Variants in TTC7B observed in about 807,000 individuals in gnomAD.
TTC7B encodes the protein tetratricopeptide repeat protein 7B.
TTC7B carries 28 observed loss-of-function variants against 106.8 expected under a neutral mutation model. The observed-to-expected ratio is 0.26, with a 90% CI of 0.19 to 0.36. The LOEUF (loss-of-function observed/expected upper bound fraction) is 0.36, where lower values mean the gene tolerates loss of function less well. TTC7B is among the 10% of genes least tolerant of loss of function. The pLI, the probability that TTC7B is intolerant of heterozygous loss-of-function variation, is 1.00. For missense variants in TTC7B, 862 were observed against 1,076.4 expected (o/e 0.80, Z 2.79); for synonymous variants, 405 against 430.6 (o/e 0.94, Z 0.74).
At chr14:90,739,876 T>A (rs1434428113) in intron 4 of TTC7B, among the ~76,000 whole-genome samples, 2 of 152,212 alleles carry the variant, frequency 1.3e-5, no homozygotes, top group Non-Finnish European at 2.9e-5. Context: ...GAAGTCATCT[T>A]TATTCCCATC....
rs575576735 is a variant in TTC7B, at chr14:90,702,268, T to C, written c.699-6690A>G. Among the ~76,000 whole-genome samples, 113 of 152,316 alleles carry C rather than the reference T, an allele frequency of 7.4e-4. 1 individual carries two copies. The highest frequency in any genetic ancestry group is 2.7e-3 in the African/African-American group (112 of 41,568). ...CACCTCACTGCTGTAAGAATTAAACTAGTCAGTAACAACTGTATTGCCCTC... is the reference window on the plus strand; with the variant it reads ...CACCTCACTGCTGTAAGAATTAAACCAGTCAGTAACAACTGTATTGCCCTC... On this transcript the variant is annotated intron_variant, in intron 5 of 19. Coordinates refer to ENST00000328459, the MANE Select transcript of TTC7B (RefSeq NM_001010854.2).
intron 5 of TTC7B, among the ~76,000 whole-genome samples, chr14:90,712,778 A>G (rs1336269229): frequency 3.3e-5 from 5 of 152,028 alleles, no homozygotes; most frequent in African/African-American, 7.2e-5. Context: ...CTGATTCTAA[A>G]TTTTATGGGG....
intron 11 of TTC7B, 135 bp from the exon 12 acceptor site, chr14:90,655,245 C>A (rs543709966): frequency 3.0e-5 from 20 of 672,180 alleles, no homozygotes; most frequent in African/African-American, 2.7e-4. Context: ...CAATCCCACT[C>A]TGGTGATTCT....
chr14:90,708,154 A>AAG (rs1888289706), intron 5 of TTC7B, among the ~76,000 whole-genome samples: 1 of 151,354 alleles, frequency 6.6e-6, no homozygotes, highest in African/African-American at 2.4e-5. Context: ...TCAAAAAAAA[A>AAG]AAAAAAAAAA....
At chr14:90,592,868 G>A (rs1892023371) in intron 18 of TTC7B, among the ~76,000 whole-genome samples, 1 of 152,168 alleles carries the variant, frequency 6.6e-6, no homozygotes, top group Non-Finnish European at 1.5e-5. Flanking sequence ...GTCTCTCTAT[G>A]AAATTACAGA....
At chr14:90,806,699 G>C (rs2030629317) in intron 1 of TTC7B, among the ~76,000 whole-genome samples, 1 of 152,182 alleles carries the variant, frequency 6.6e-6, no homozygotes, top group African/African-American at 2.4e-5. Flanking sequence ...TTGAGCCCAG[G>C]AGTTCGAGAC....
chr14:90,706,229 C>A (rs1324323449), intron 5 of TTC7B, among the ~76,000 whole-genome samples: 1 of 147,750 alleles, frequency 6.8e-6, no homozygotes, highest in African/African-American at 2.5e-5. Context: ...GTGGCGCAAT[C>A]TCGGCTCACT....
At position 90,537,708 on chromosome 14, in the gene TTC7B, T is replaced by C. The variant is rs1007209158; in HGVS notation, c.*3660A>G. 6.6e-6 allele frequency: 1 copy of C among 152,216 alleles called. No homozygotes were observed. Among genetic ancestry groups the C allele is most frequent in the Admixed American group, 6.6e-5 (1 of 15,260 alleles). The allele number at this position is 152,216 out of a possible 1,614,324, so 9.4% of individuals were successfully genotyped here. A position where few individuals can be genotyped will look rare whatever the true frequency, so the allele number is the denominator to read the frequency against. On this transcript the variant is annotated 3_prime_UTR_variant, in exon 20 of 20. Transcript: ENST00000328459. ...GTCTTTCTTCAGCCAGATGTCACCTTCTTAGCGAGGCTTCCCTAGTCACCT... is the reference window on the plus strand; with the variant it reads ...GTCTTTCTTCAGCCAGATGTCACCTCCTTAGCGAGGCTTCCCTAGTCACCT...
chr14:90,618,086 G>A (rs1327499296), intron 15 of TTC7B, 41 bp from the exon 16 acceptor site: 5 of 1,457,628 alleles, frequency 3.4e-6, no homozygotes, highest in Admixed American at 3.4e-5. Flanking sequence ...CACGGCTCAA[G>A]CCACAGAGTC....
intron 7 of TTC7B, among the ~76,000 whole-genome samples, chr14:90,684,360 A>AAC (rs1380002035): frequency 2.0e-5 from 3 of 152,132 alleles, no homozygotes; most frequent in South Asian, 2.1e-4. Context: ...GACTGACTGA[A>AAC]ACACACACAC....
Position 90,637,100 on chromosome 14 carries a change from G to T in TTC7B, c.1751+6948C>A, listed in dbSNP as rs548806422. ...AAGTGAGTTGACAAAAAAGTTACTG[G>T]TTGTTTGAAAGGATCCATGTAACAG... On this transcript the variant is annotated intron_variant, in intron 15 of 19. Coordinates refer to ENST00000328459, the MANE Select transcript of TTC7B (RefSeq NM_001010854.2). Among the ~76,000 whole-genome samples the T allele has an allele frequency of 6.5e-4, 99 of 151,958 alleles. 1 individual carries two copies. The highest frequency in any genetic ancestry group is 2.3e-3 in the African/African-American group (95 of 41,508).
chr14:90,789,324 C>T (rs965801176), intron 1 of TTC7B, among the ~76,000 whole-genome samples: 3 of 152,236 alleles, frequency 2.0e-5, no homozygotes, highest in African/African-American at 7.2e-5. Flanking sequence ...TCTTGAACTC[C>T]TGACCTCAGG....
intron 15 of TTC7B, among the ~76,000 whole-genome samples, chr14:90,626,752 G>A (rs1884461276): frequency 6.6e-6 from 1 of 152,118 alleles, no homozygotes; most frequent in African/African-American, 2.4e-5. Flanking sequence ...CATCAAACCT[G>A]AGTACCTGGT....
In TTC7B at chr14:90,816,378, C is replaced by A; in HGVS notation, c.-83G>T. Reference sequence around the variant, plus strand: ...GCCCCCTCGCCGCCTCCCGCCGCCGCCGCGGGCTCGGGCTCCGGCTCCCGG... The same window carrying A: ...GCCCCCTCGCCGCCTCCCGCCGCCGACGCGGGCTCGGGCTCCGGCTCCCGG... On this transcript the variant is annotated 5_prime_UTR_variant, in exon 1 of 20. Transcript: ENST00000328459. The A allele has an allele frequency of 1.2e-6, 1 of 808,010 alleles. No individual in the cohort carries two copies. The highest frequency in any genetic ancestry group is 1.5e-6 in the Non-Finnish European group (1 of 671,286). 50.1% of individuals were successfully genotyped at this position (808,010 alleles called of 1,614,324 possible).
At chr14:90,678,040 A>G (rs1221446514) in intron 8 of TTC7B, among the ~76,000 whole-genome samples, 1 of 152,204 alleles carries the variant, frequency 6.6e-6, no homozygotes, top group Non-Finnish European at 1.5e-5. Context: ...TTTGCTATAT[A>G]TGTTCCATAC....
At chr14:90,760,092 A>G (rs1350121041) in intron 3 of TTC7B, among the ~76,000 whole-genome samples, 1 of 152,244 alleles carries the variant, frequency 6.6e-6, no homozygotes, top group Admixed American at 6.5e-5. Context: ...ATAGAGGTGG[A>G]ATCAGAGGAT....
intron 2 of TTC7B, among the ~76,000 whole-genome samples, chr14:90,781,866 A>G (rs1891230250): frequency 6.6e-6 from 1 of 152,080 alleles, no homozygotes; most frequent in Non-Finnish European, 1.5e-5. Flanking sequence ...AAGCCTCATC[A>G]TTGCCTTCCT....
At chr14:90,747,702 A>G (rs1163635695) in intron 3 of TTC7B, among the ~76,000 whole-genome samples, 1 of 152,180 alleles carries the variant, frequency 6.6e-6, no homozygotes, top group Non-Finnish European at 1.5e-5. Context: ...CACTTGTTTT[A>G]TCATTTATTG....
chr14:90,540,582 T>A lies in TTC7B; in HGVS notation c.*786A>T, dbSNP rs1889540474. On this transcript the variant is annotated 3_prime_UTR_variant, in exon 20 of 20. Transcript: ENST00000328459. Reference sequence around the variant, plus strand: ...TTGAGCTTTTACGAATGACACAGGCTATGAGTCCATTTAAAAATCATTTTA... The same window carrying A: ...TTGAGCTTTTACGAATGACACAGGCAATGAGTCCATTTAAAAATCATTTTA... 1 of 153,802 alleles carries A rather than the reference T, an allele frequency of 6.5e-6. No homozygotes were observed. The highest frequency in any genetic ancestry group is 2.1e-4 in the South Asian group (1 of 4,826). The allele number at this position is 153,802 out of a possible 1,614,324, so 9.5% of individuals were successfully genotyped here.
Sources: allele counts gnomAD v4.1 joint callset (sites outside exome capture counted in the v4.1 genomes callset), GRCh38; gene constraint gnomAD v4.1.1; transcripts MANE v1.5; gene names NCBI Gene and HGNC (gene_info 2026-07-23, HGNC 2026-07-21).